The following GOLGA4 variants were observed in gnomAD, a reference collection of about 807,000 sequenced individuals.
GOLGA4 encodes the protein golgin A4, also known as golgin subfamily A member 4.
A neutral mutation model predicts 265.9 loss-of-function variants in GOLGA4; 169 were observed. The ratio of observed to expected loss-of-function variants is 0.64; its 90% CI spans 0.56 to 0.72. GOLGA4 has a LOEUF of 0.72. Among genes scored for constraint, GOLGA4 ranks in the 30% least tolerant of loss-of-function variants. The pLI is 0.00. For synonymous variants in GOLGA4, 923 were observed against 855.8 expected (o/e 1.08, Z -1.37); for missense variants, 2,482 against 2,483.4 (o/e 1.00, Z 0.01).
intron 10 of GOLGA4, among the ~76,000 whole-genome samples, chr3:37,310,923 T>C (rs550172496): frequency 3.9e-5 from 6 of 152,334 alleles, no homozygotes; most frequent in African/African-American, 1.4e-4. Flanking sequence ...ATGCACGCTT[T>C]ATTTCTCCCC....
chr3:37,259,576 T>C (rs1345664329), intron 2 of GOLGA4, among the ~76,000 whole-genome samples: 1 of 152,226 alleles, frequency 6.6e-6, no homozygotes, highest in Non-Finnish European at 1.5e-5. Flanking sequence ...TCTGTCAGTC[T>C]AGCTAATGGT....
intron 5 of GOLGA4, among the ~76,000 whole-genome samples, chr3:37,290,343 A>G (rs893381664): frequency 2.0e-5 from 3 of 152,212 alleles, no homozygotes; most frequent in Non-Finnish European, 4.4e-5. Flanking sequence ...TTAATCATAT[A>G]GGAATTTCCT....
chr3:37,319,030 T>G, intron 11 of GOLGA4, 33 bp from the exon 12 acceptor site: 1 of 1,464,874 alleles, frequency 6.8e-7, no homozygotes. Context: ...TTATTCTGGG[T>G]GTCCTTATAT....
chr3:37,254,015 CAAAA>C (rs57893128), intron 2 of GOLGA4, among the ~76,000 whole-genome samples: 3 of 126,464 alleles, frequency 2.4e-5, no homozygotes, highest in Non-Finnish European at 3.5e-5. Flanking sequence ...GACACAGTCT[CAAAA>C]AAAAAAAAAA....
chr3:37,309,377 G>A (rs2096916708), intron 10 of GOLGA4, among the ~76,000 whole-genome samples: 1 of 151,910 alleles, frequency 6.6e-6, no homozygotes, highest in Non-Finnish European at 1.5e-5. Context: ...CCAACATGGT[G>A]AACCCCGTCT....
At chr3:37,314,642 A>AACACACACACACACACACACACACAC (rs60890140) in intron 10 of GOLGA4, among the ~76,000 whole-genome samples, 6 of 139,054 alleles carry the variant, frequency 4.3e-5, no homozygotes, top group Non-Finnish European at 7.7e-5. Flanking sequence ...CTCCGTCTCA[A>AACACACACACACACACACACACACAC]ACACACACAC....
chr3:37,255,335 A>G (rs9810522), intron 2 of GOLGA4, among the ~76,000 whole-genome samples: 59,748 of 151,686 alleles, frequency 0.39, 12,346 homozygotes, highest in Non-Finnish European at 0.43. Context: ...CTAACTTTTT[A>G]TATTTTTAGT....
In GOLGA4 at chr3:37,324,795, TA is replaced by T; in HGVS notation, c.2912del (p.Lys971ArgfsTer20). The T allele has an allele frequency of 6.3e-7, 1 of 1,585,030 alleles. No individual in the cohort carries two copies. On this transcript the variant is annotated frameshift_variant, in exon 14 of 24. Transcript: ENST00000361924. LOFTEE classifies it high-confidence loss of function. ...AAAGCAAAGGAGATGCAAGAAACGT[TA>T]AAGAAAAAATTACTGGATCAGGAAG... ...KQKAKEMQET[L>X]KKKLLDQEAK...
chr3:37,326,740 A>C lies in GOLGA4; in HGVS notation c.4854A>C (p.Lys1618Asn). The change falls in exon 14 of 24, where the codon AAA (lysine) becomes AAC (asparagine). Residue 1618 changes from lysine to asparagine, a missense_variant. Coordinates refer to ENST00000361924, the MANE Select transcript of GOLGA4 (RefSeq NM_002078.5). Reference sequence around the variant, plus strand: ...ATGTGAATTTAAGTGTGAAAAGCAAAGAGGAGGAGTTAAAGGCATTGGAAG... The same window carrying C: ...ATGTGAATTTAAGTGTGAAAAGCAACGAGGAGGAGTTAAAGGCATTGGAAG... ...LEHVNLSVKS[K>N]EEELKALEDR... The C allele has an allele frequency of 6.2e-7, 1 of 1,613,754 alleles. No homozygotes were observed. The highest frequency in any genetic ancestry group is 8.5e-7 in the Non-Finnish European group (1 of 1,179,748).
chr3:37,334,904 G>A (rs1475162510), intron 16 of GOLGA4, 149 bp from the exon 17 acceptor site: 3 of 562,908 alleles, frequency 5.3e-6, no homozygotes, highest in Non-Finnish European at 6.5e-6. Flanking sequence ...AAACAGTAGT[G>A]TGTGTCTCAA....
At chr3:37,299,413 C>A in intron 9 of GOLGA4, 42 bp downstream of exon 9, 1 of 1,195,282 alleles carries the variant, frequency 8.4e-7, no homozygotes, top group Non-Finnish European at 1.2e-6. Context: ...TGTCAAGAGG[C>A]CCCAACATTT....
intron 10 of GOLGA4, among the ~76,000 whole-genome samples, chr3:37,309,204 A>G (rs1370977677): frequency 4.0e-5 from 6 of 150,798 alleles, no homozygotes; most frequent in Non-Finnish European, 7.4e-5. Context: ...GTGAGCCAAG[A>G]TCACGCCACT....
chr3:37,364,252 A>G (rs922563890), intron 23 of GOLGA4, among the ~76,000 whole-genome samples: 11 of 151,016 alleles, frequency 7.3e-5, no homozygotes, highest in South Asian at 4.2e-4. Context: ...TCTTTTTTTT[A>G]TATTTGAGAC....
chr3:37,293,840 A>G lies in GOLGA4; in HGVS notation c.583-1139A>G, dbSNP rs1276719182. On this transcript the variant is annotated intron_variant, in intron 5 of 23. Transcript: ENST00000361924. Reference sequence around the variant, plus strand: ...GTGTTCTTTCAGAAACCTAGATGCTATAACCTGCTATATACCTAGGCAATA... The same window carrying G: ...GTGTTCTTTCAGAAACCTAGATGCTGTAACCTGCTATATACCTAGGCAATA... Among the ~76,000 whole-genome samples, 4 of 152,358 alleles carry G rather than the reference A, an allele frequency of 2.6e-5. No homozygotes were observed. The South Asian group carries it at 6.2e-4, about 24-fold the overall frequency.
intron 2 of GOLGA4, among the ~76,000 whole-genome samples, chr3:37,280,478 C>A (rs2096831866): frequency 6.6e-6 from 1 of 152,090 alleles, no homozygotes; most frequent in Non-Finnish European, 1.5e-5. Context: ...AGACTTGGGT[C>A]TCATCCCCAT....
chr3:37,307,646 A>G (rs2096910503), intron 10 of GOLGA4, among the ~76,000 whole-genome samples: 7 of 152,030 alleles, frequency 4.6e-5, no homozygotes, highest in Admixed American at 3.9e-4. Context: ...AAAAAAAAGT[A>G]TGAATGAAAG....
rs375888549 is a variant in GOLGA4, at chr3:37,319,038, T to C, written c.1414-25T>C. ...ACATATTTTATTCTGGGTGTCCTTA[T>C]ATTATCTATTTGGCTCATTTTCAGA... On this transcript the variant is annotated intron_variant, in intron 11 of 23. Transcript: ENST00000361924. The C allele has an allele frequency of 2.6e-6, 4 of 1,532,894 alleles. No individual in the cohort carries two copies. In the African/African-American group the frequency reaches 4.2e-5, roughly 16 times the overall value. 95.0% of individuals were successfully genotyped at this position (1,532,894 alleles called of 1,614,324 possible).
At chr3:37,273,475 A>G in intron 2 of GOLGA4, 1 of 872,746 alleles carries the variant, frequency 1.1e-6, no homozygotes, top group Non-Finnish European at 1.8e-6. Context: ...TTTATTCTTA[A>G]CAGTTTTAAA....
intron 16 of GOLGA4, among the ~76,000 whole-genome samples, chr3:37,330,681 G>A (rs1250540684): frequency 6.6e-6 from 1 of 152,104 alleles, no homozygotes; most frequent in Non-Finnish European, 1.5e-5. Flanking sequence ...GAGTGGCATG[G>A]ACTCTTTTCC....
Sources: gnomAD v4.1 joint callset for allele counts (sites outside exome capture counted in the v4.1 genomes callset) on GRCh38, gnomAD v4.1.1 for gene constraint, MANE v1.5 for transcripts, NCBI Gene and HGNC (gene_info 2026-07-23, HGNC 2026-07-21) for gene names.